Variants in ANKFN1 observed in about 807,000 individuals in gnomAD.
ANKFN1 encodes ankyrin repeat and fibronectin type III domain containing 1, also known as ankyrin repeat and fibronectin type-III domain-containing protein 1.
Under a neutral mutation model 108.7 loss-of-function variants are expected in ANKFN1, and 74 were observed. The ratio of observed to expected loss-of-function variants is 0.68; its 90% CI spans 0.56 to 0.83. ANKFN1 has a LOEUF of 0.83. ANKFN1 is among the 40% of genes least tolerant of loss of function. The pLI is 0.00. For missense variants in ANKFN1, 1,505 were observed against 1,382.3 expected, an observed-to-expected ratio of 1.09 and a Z score of -1.41; for synonymous variants, 547 against 516.2, an observed-to-expected ratio of 1.06 and a Z score of -0.81.
intron 5 of ANKFN1, among the ~76,000 whole-genome samples, chr17:56,352,915 G>T (rs1400695852): frequency 1.3e-5 from 2 of 152,188 alleles, no homozygotes; most frequent in African/African-American, 4.8e-5. Flanking sequence ...CATTGCCATG[G>T]TCCAGACATG....
At chr17:56,468,710 C>T (rs1024042929) in intron 15 of ANKFN1, among the ~76,000 whole-genome samples, 1 of 152,228 alleles carries the variant, frequency 6.6e-6, no homozygotes, top group African/African-American at 2.4e-5. Flanking sequence ...TTACTTGCAC[C>T]GGCCCAAACC....
At chr17:56,070,124 A>T (rs117272850) in intron 4 of ANKFN1, among the ~76,000 whole-genome samples, 2,795 of 152,164 alleles carry the variant, frequency 0.018, 51 homozygotes, top group Middle Eastern at 0.031. Context: ...CTCCTATCTC[A>T]TTATGTGACT....
Position 56,257,007 on chromosome 17 carries a change from G to A in ANKFN1, c.53+29050G>A, listed in dbSNP as rs1202375581. ...TTGTCAAGTCTTAGACCTATCACTCGCTATCCTGGTGACCTTAGTGAAGTC... is the reference window on the plus strand; with the variant it reads ...TTGTCAAGTCTTAGACCTATCACTCACTATCCTGGTGACCTTAGTGAAGTC... On this transcript the variant is annotated intron_variant, in intron 3 of 20. Transcript: ENST00000682825. 3.9e-5 allele frequency among the ~76,000 whole-genome samples: 6 copies of A among 152,274 alleles called. No homozygotes were observed. In the Middle Eastern group the frequency reaches 0.01, roughly 259 times the overall value.
At chr17:56,105,279 A>G (rs1229629986) in intron 4 of ANKFN1, among the ~76,000 whole-genome samples, 2 of 152,150 alleles carry the variant, frequency 1.3e-5, no homozygotes, top group African/African-American at 2.4e-5. Flanking sequence ...ATGGAACACA[A>G]TCTGTGTGGG....
chr17:56,390,204 C>A (rs531808139), intron 8 of ANKFN1, among the ~76,000 whole-genome samples: 4 of 152,084 alleles, frequency 2.6e-5, no homozygotes, highest in East Asian at 1.9e-4. Context: ...CCTTGCCCCC[C>A]ACCCCTTGAC....
At chr17:56,178,291 T>G (rs565892527) in intron 1 of ANKFN1, among the ~76,000 whole-genome samples, 1 of 152,322 alleles carries the variant, frequency 6.6e-6, no homozygotes, top group African/African-American at 2.4e-5. Flanking sequence ...CTTCAAAAAT[T>G]TAAAATAGTT....
At chr17:56,427,030 G>C (rs2048590881) in intron 8 of ANKFN1, among the ~76,000 whole-genome samples, 1 of 152,208 alleles carries the variant, frequency 6.6e-6, no homozygotes, top group Admixed American at 6.5e-5. Context: ...GAAGAAAAAA[G>C]CCCAAAATAG....
chr17:56,163,745 T>A (rs1485348893), intron 1 of ANKFN1, among the ~76,000 whole-genome samples: 2 of 152,220 alleles, frequency 1.3e-5, no homozygotes, highest in Non-Finnish European at 2.9e-5. Context: ...TACCTAATAG[T>A]GTTTGACTTC....
At chr17:56,182,061 T>C (rs1343627703) in intron 1 of ANKFN1, among the ~76,000 whole-genome samples, 1 of 152,212 alleles carries the variant, frequency 6.6e-6, no homozygotes, top group Non-Finnish European at 1.5e-5. Context: ...CAAATGCATG[T>C]ACTCTGACTG....
chr17:56,489,344 G>A (rs1381439543), intron 18 of ANKFN1, among the ~76,000 whole-genome samples: 1 of 151,530 alleles, frequency 6.6e-6, no homozygotes, highest in Non-Finnish European at 1.5e-5. Flanking sequence ...GAAGCTTCCA[G>A]TCTGTCTTTC....
intron 4 of ANKFN1, among the ~76,000 whole-genome samples, chr17:56,336,699 T>A (rs575153231): frequency 5.3e-5 from 8 of 152,212 alleles, no homozygotes; most frequent in Non-Finnish European, 1.0e-4. Context: ...TTTTGAAGGG[T>A]TTTTTGTGTC....
At chr17:56,364,267 AAG>A (rs2046603942) in intron 6 of ANKFN1, among the ~76,000 whole-genome samples, 1 of 152,172 alleles carries the variant, frequency 6.6e-6, no homozygotes, top group South Asian at 2.1e-4. Flanking sequence ...GCAAATGAAT[AAG>A]TGTTCTAAGT....
chr17:56,055,555 T>G (rs1904853631), intron 4 of ANKFN1, among the ~76,000 whole-genome samples: 1 of 43,282 alleles, frequency 2.3e-5, no homozygotes, highest in African/African-American at 1.4e-4. Flanking sequence ...TGTGTGTGTG[T>G]GGTATATATA....
chr17:56,048,870 G>A (rs1250196422), intron 4 of ANKFN1, among the ~76,000 whole-genome samples: 1 of 152,180 alleles, frequency 6.6e-6, no homozygotes, highest in Non-Finnish European at 1.5e-5. Flanking sequence ...CGCACTTCTT[G>A]GGCAGGATTT....
At chr17:56,452,976 ATTGT>A (rs1293936100) in intron 11 of ANKFN1, among the ~76,000 whole-genome samples, 2 of 152,122 alleles carry the variant, frequency 1.3e-5, no homozygotes, top group Admixed American at 1.3e-4. Flanking sequence ...TCATTCATTC[ATTGT>A]TTAAGGATTG....
chr17:56,066,518 A>G (rs1169237182), intron 4 of ANKFN1, among the ~76,000 whole-genome samples: 2 of 152,234 alleles, frequency 1.3e-5, no homozygotes, highest in East Asian at 1.9e-4. Flanking sequence ...TATTTTACAT[A>G]TAATGGATTA....
chr17:56,319,051 C>CA (rs923121361), intron 3 of ANKFN1, among the ~76,000 whole-genome samples: 8 of 151,416 alleles, frequency 5.3e-5, no homozygotes, highest in Non-Finnish European at 7.4e-5. Context: ...ATTTTCTTTA[C>CA]AAAAAAAATG....
chr17:56,510,933 A>C lies in ANKFN1; in HGVS notation c.3105A>C (p.Thr1035=). The C allele has an allele frequency of 6.5e-7, 1 of 1,536,070 alleles. No individual in the cohort carries two copies. The stretch of plus-strand genomic sequence containing the variant: ...TATCGCTCTCTGAGGGCATTTATAC[A>C]CAGCACCTGTCCCAGGCCTGTGGTC... ...QSLSLSEGIY[T]QHLSQACGLA... is the part of the protein sequence containing the mutation. Residue 1035 remains threonine (T), a synonymous_variant, in exon 21 of 21, where the codon ACA becomes ACC. Coordinates refer to ENST00000682825, the MANE Select transcript of ANKFN1 (RefSeq NM_001370326.1).
chr17:56,164,287 G>GGGGCTGGA (rs1241078942), intron 1 of ANKFN1, among the ~76,000 whole-genome samples: 1 of 152,144 alleles, frequency 6.6e-6, no homozygotes, highest in African/African-American at 2.4e-5. Context: ...CTAGATGCCA[G>GGGGCTGGA]ATCCTCTGGG....
Sources: allele counts gnomAD v4.1 joint callset (sites outside exome capture counted in the v4.1 genomes callset), GRCh38; gene constraint gnomAD v4.1.1; transcripts MANE v1.5; gene names NCBI Gene and HGNC (gene_info 2026-07-23, HGNC 2026-07-21).